Variants in KBTBD3 observed in about 807,000 individuals in gnomAD.
The protein encoded by KBTBD3 is kelch repeat and BTB domain containing 3, also known as kelch repeat and BTB domain-containing protein 3.
Under a neutral mutation model 49.6 loss-of-function variants are expected in KBTBD3, and 38 were observed. The ratio of observed to expected loss-of-function variants is 0.77; its 90% CI spans 0.59 to 1.00. KBTBD3 has a LOEUF of 1.00. KBTBD3 is among the 50% of genes least tolerant of loss of function. The pLI is 0.00. For synonymous variants in KBTBD3, 214 were observed against 250.4 expected (o/e 0.85, Z 1.37); for missense variants, 661 against 712.0 (o/e 0.93, Z 0.81).
intron 2 of KBTBD3, among the ~76,000 whole-genome samples, chr11:106,068,830 C>T (rs1282471808): frequency 1.3e-4 from 19 of 151,988 alleles, no homozygotes. Context: ...AAAAAATCAG[C>T]AATATATAAA....
Position 106,052,972 on chromosome 11 carries a change from G to A in KBTBD3, c.1717C>T (p.His573Tyr). The change falls in exon 4 of 4, where the codon CAC becomes TAC. Residue 573 changes from histidine (H) to tyrosine (Y), a missense_variant. By Grantham distance (83) the His-to-Tyr change is moderately conservative. Coordinates refer to ENST00000531837, the MANE Select transcript of KBTBD3 (RefSeq NM_198439.3). ...DEITDEVQVY[H>Y]SNRSEWEEVS... ...TCTTCCCATTCAGACCTGTTGCTGT[G>A]GTAGACCTGCACTTCATCTGTGATT... 2 of 1,613,686 alleles carry A rather than the reference G, an allele frequency of 1.2e-6. No homozygotes were observed. Among genetic ancestry groups the A allele is most frequent in the Non-Finnish European group, 1.7e-6 (2 of 1,179,736 alleles).
chr11:106,065,985 C>G, intron 2 of KBTBD3, among the ~76,000 whole-genome samples: 1 of 145,922 alleles, frequency 6.9e-6, no homozygotes. Flanking sequence ...AAAAAATCAT[C>G]AGGTGGGGCC....
At position 106,053,858 on chromosome 11, in the gene KBTBD3, A is replaced by G. The variant is rs746783677; in HGVS notation, c.831T>C (p.Cys277=). ...GGAAGAGTCCACCAGAACCTTGCAC[A>G]CACTTAATTGCATCCATGATTATGT... The part of the protein sequence containing the change: ...CFDIIMDAIK[C]VQGSGGLFPD... Residue 277 remains cysteine, a synonymous_variant, in exon 4 of 4, where the codon TGT becomes TGC. Coordinates refer to ENST00000531837, the MANE Select transcript of KBTBD3 (RefSeq NM_198439.3). 5.0e-6 allele frequency: 8 copies of G among 1,614,028 alleles called. No individual in the cohort carries two copies. In the South Asian group the frequency reaches 6.6e-5, roughly 13 times the overall value.
chr11:106,077,322 A>G lies in KBTBD3; in HGVS notation c.-224T>C, dbSNP rs759801541. Reference sequence around the variant, plus strand: ...CCGGAGCTCACCCACCTGCAACTGCAGTCTCCGAAGTCTCCACCCCAGTCT... The same window carrying G: ...CCGGAGCTCACCCACCTGCAACTGCGGTCTCCGAAGTCTCCACCCCAGTCT... On this transcript the variant is annotated 5_prime_UTR_variant, in exon 1 of 4. Coordinates refer to ENST00000531837, the MANE Select transcript of KBTBD3 (RefSeq NM_198439.3). The G allele has an allele frequency of 1.3e-4, 25 of 199,014 alleles. No individual in the cohort carries two copies. Among genetic ancestry groups the G allele is most frequent in the Non-Finnish European group, 2.4e-4 (23 of 94,472 alleles). 12.3% of individuals were successfully genotyped at this position (199,014 alleles called of 1,614,324 possible). A position where few individuals can be genotyped will look rare whatever the true frequency, so the allele number is the denominator to read the frequency against.
At chr11:106,066,492 T>C (rs1349920852) in intron 2 of KBTBD3, among the ~76,000 whole-genome samples, 1 of 152,206 alleles carries the variant, frequency 6.6e-6, no homozygotes, top group African/African-American at 2.4e-5. Context: ...ATGTCCATGT[T>C]ATTTCCAAAA....
chr11:106,070,768 A>G lies in KBTBD3; in HGVS notation c.-13+5739T>C, dbSNP rs111543090. 8.3e-3 allele frequency among the ~76,000 whole-genome samples: 1,270 copies of G among 152,220 alleles called. 21 individuals carry two copies. Among genetic ancestry groups the G allele is most frequent in the African/African-American group, 0.029 (1,198 of 41,562 alleles). Reference sequence around the variant, plus strand: ...TGCAATAGCCTCTACATGTTTCATAATGCTTCATTTGTATAGCCAAAAGCT... The same window carrying G: ...TGCAATAGCCTCTACATGTTTCATAGTGCTTCATTTGTATAGCCAAAAGCT... On this transcript the variant is annotated intron_variant, in intron 2 of 3. Transcript: ENST00000531837.
At chr11:106,066,864 T>A (rs1860819415) in intron 2 of KBTBD3, among the ~76,000 whole-genome samples, 1 of 151,054 alleles carries the variant, frequency 6.6e-6, no homozygotes, top group Admixed American at 6.6e-5. Context: ...GAGGTATATA[T>A]AAATATAAAT....
Position 106,058,670 on chromosome 11 carries a change from C to T in KBTBD3, c.233+195G>A, listed in dbSNP as rs113968590. ...AAGTCCTGACCTCAGGTGATCCGCC[C>T]GCCTTGGCCTCTTAGGGTGTTGGGA... is the stretch of plus-strand genomic sequence containing the variant. On this transcript the variant is annotated intron_variant, in intron 3 of 3. Coordinates refer to ENST00000531837, the MANE Select transcript of KBTBD3 (RefSeq NM_198439.3). 2.3e-3 allele frequency: 1,194 copies of T among 511,814 alleles called. 12 individuals carry two copies. Among genetic ancestry groups the T allele is most frequent in the African/African-American group, 0.022 (1,092 of 48,976 alleles). The allele number at this position is 511,814 out of a possible 1,614,324, so 31.7% of individuals were successfully genotyped here.
rs1409701711 is a variant in KBTBD3 at position 106,057,999 on chromosome 11, A to G, written c.233+866T>C. The stretch of plus-strand genomic sequence containing the variant: ...AAAAAAATTTCTTCTGTCCCAGCGT[A>G]GTTCAAGGGATTAATGTTCCAGAGA... On this transcript the variant is annotated intron_variant, in intron 3 of 3. Coordinates refer to ENST00000531837, the MANE Select transcript of KBTBD3 (RefSeq NM_198439.3). 7.5e-6 allele frequency: 3 copies of G among 398,414 alleles called. No homozygotes were observed. The South Asian group carries it at 3.8e-4, about 51-fold the overall frequency. The allele number at this position is 398,414 out of a possible 1,614,324, so 24.7% of individuals were successfully genotyped here.
In KBTBD3 at chr11:106,052,961, C is replaced by A. The variant is rs199628717; in HGVS notation, c.1728G>T (p.Arg576Ser). Residue 576 changes from arginine (R) to serine (S), a missense_variant, in exon 4 of 4, where the codon AGG becomes AGT. Coordinates refer to ENST00000531837, the MANE Select transcript of KBTBD3 (RefSeq NM_198439.3). The stretch of plus-strand genomic sequence containing the variant: ...TTGGTGAAACTTCTTCCCATTCAGA[C>A]CTGTTGCTGTGGTAGACCTGCACTT... ...TDEVQVYHSNRSEWEEVSPMP... is the reference protein window; with the variant it reads ...TDEVQVYHSNSSEWEEVSPMP... 1 of 1,613,692 alleles carries A rather than the reference C, an allele frequency of 6.2e-7. No homozygotes were observed. Among genetic ancestry groups the A allele is most frequent in the East Asian group, 2.2e-5 (1 of 44,870 alleles).
rs1031499424 is a variant in KBTBD3 at position 106,056,925 on chromosome 11, T to C, written c.233+1940A>G. Among the ~76,000 whole-genome samples the C allele has an allele frequency of 2.0e-5, 3 of 152,096 alleles. No homozygotes were observed. In the South Asian group the frequency reaches 6.2e-4, roughly 32 times the overall value. On this transcript the variant is annotated intron_variant, in intron 3 of 3. Coordinates refer to ENST00000531837, the MANE Select transcript of KBTBD3 (RefSeq NM_198439.3). ...AGAGGAGGGAAGACACTGGTAGAAA[T>C]AAGAATGGCAGAGTATAAGACAGTA...
chr11:106,059,379 AG>A (rs1182985827), intron 2 of KBTBD3, among the ~76,000 whole-genome samples: 5 of 152,206 alleles, frequency 3.3e-5, no homozygotes, highest in Non-Finnish European at 7.3e-5. Context: ...AAAATGTACA[AG>A]TTGTATAAAT....
Position 106,054,444 on chromosome 11 carries a change from T to C in KBTBD3, c.245A>G (p.Glu82Gly), listed in dbSNP as rs1342814103. 6.4e-7 allele frequency: 1 copy of C among 1,550,796 alleles called. No homozygotes were observed. Among genetic ancestry groups the C allele is most frequent in the Non-Finnish European group, 8.7e-7 (1 of 1,147,338 alleles). Residue 82 changes from glutamate to glycine, a missense_variant, in exon 4 of 4, where the codon GAA (glutamate) becomes GGA (glycine). By Grantham distance (98) the Glu-to-Gly change is moderately conservative (BLOSUM62 -2). Transcript: ENST00000531837. ...ATCATCTCTTTCTTTCATGTTTACT[T>C]CAAACATAGCCCTGCAAAAATAAAG... ...ACSDFFRAMF[E>G]VNMKERDDGS... is the part of the protein sequence containing the mutation.
At chr11:106,071,297 A>G (rs1288961806) in intron 2 of KBTBD3, among the ~76,000 whole-genome samples, 1 of 152,150 alleles carries the variant, frequency 6.6e-6, no homozygotes, top group African/African-American at 2.4e-5. Context: ...GTATTTCTGC[A>G]TAGTGGCATA....
intron 2 of KBTBD3, among the ~76,000 whole-genome samples, chr11:106,059,484 C>A (rs1860637911): frequency 6.6e-6 from 1 of 152,100 alleles, no homozygotes; most frequent in African/African-American, 2.4e-5. Flanking sequence ...CCAACACAAT[C>A]CCCCTCCTTT....
chr11:106,053,540 G>A lies in KBTBD3; in HGVS notation c.1149C>T (p.Phe383=), dbSNP rs1452778883. Residue 383 remains phenylalanine (F), a synonymous_variant, in exon 4 of 4, where the codon TTC becomes TTT. Coordinates refer to ENST00000531837, the MANE Select transcript of KBTBD3 (RefSeq NM_198439.3). ...TWCYCPVKND[F]FLVSTMKTPR... is the part of the protein sequence containing the mutation. ...GTGTTTTCATAGTTGATACCAAGAA[G>A]AAATCATTTTTCACTGGACAGTAGC... 6.2e-7 allele frequency: 1 copy of A among 1,613,698 alleles called. No homozygotes were observed. The highest frequency in any genetic ancestry group is 8.5e-7 in the Non-Finnish European group (1 of 1,179,848).
At chr11:106,058,379 TA>T (rs368865758) in intron 3 of KBTBD3, among the ~76,000 whole-genome samples, 11,950 of 139,598 alleles carry the variant, frequency 0.086, 488 homozygotes, top group Middle Eastern at 0.15. Flanking sequence ...AGACTCCCTC[TA>T]AAAAAAAAAA....
rs1860620905 is a variant in KBTBD3 at position 106,058,935 on chromosome 11, T to A, written c.163A>T (p.Lys55Ter). Residue 55 changes from lysine (K) to a stop codon, truncating the protein, a stop_gained, in exon 3 of 4, where the codon AAA becomes TAA. Transcript: ENST00000531837. LOFTEE classifies it high-confidence loss of function. ...ATTATTTCATCTTTCATAATTATTT[T>A]GAAATCATAAAAGACATTTTGTTCT... ...FREQNVFYDF[K>*]IIMKDEIIPC... 1 of 1,575,844 alleles carries A rather than the reference T, an allele frequency of 6.3e-7. No homozygotes were observed. Among genetic ancestry groups the A allele is most frequent in the African/African-American group, 1.4e-5 (1 of 72,026 alleles).
chr11:106,073,912 A>G lies in KBTBD3; in HGVS notation c.-13+2595T>C, dbSNP rs1269466151. ...ACATGACATCATTTTTTTAAAAAAT[A>G]TTTTTCTAGCTAATATGTCAAGAAT... is the stretch of plus-strand genomic sequence containing the variant. On this transcript the variant is annotated intron_variant, in intron 2 of 3. Transcript: ENST00000531837. Among the ~76,000 whole-genome samples the G allele has an allele frequency of 2.6e-5, 4 of 152,172 alleles. No individual in the cohort carries two copies. The South Asian group carries it at 8.3e-4, about 31-fold the overall frequency.
Sources: allele counts gnomAD v4.1 joint callset (sites outside exome capture counted in the v4.1 genomes callset), GRCh38; gene constraint gnomAD v4.1.1; transcripts MANE v1.5; gene names NCBI Gene and HGNC (gene_info 2026-07-23, HGNC 2026-07-21).